PDGFD: variants seen among roughly 807,000 people sequenced by gnomAD.
PDGFD encodes platelet derived growth factor D.
PDGFD carries 30 observed loss-of-function variants against 44.7 expected under a neutral mutation model. The ratio of observed to expected loss-of-function variants is 0.67; its 90% CI spans 0.50 to 0.91. PDGFD has a LOEUF of 0.91. Among genes scored for constraint, PDGFD ranks in the 40% least tolerant of loss-of-function variants. The probability of loss-of-function intolerance (pLI) is 0.00; values close to 1 mark genes in which losing one functional copy is unlikely to be tolerated. For missense variants in PDGFD, 445 were observed against 457.8 expected, an observed-to-expected ratio of 0.97 and a Z score of 0.25; for synonymous variants, 173 against 168.4, an observed-to-expected ratio of 1.03 and a Z score of -0.21.
chr11:104,122,720 T>C (rs918494396), intron 1 of PDGFD, among the ~76,000 whole-genome samples: 6 of 73,326 alleles, frequency 8.2e-5, no homozygotes, highest in African/African-American at 3.8e-4. Flanking sequence ...ATACAAACAA[T>C]TTTTTTTTAA....
At chr11:104,045,471 T>C (rs1860425808) in intron 1 of PDGFD, among the ~76,000 whole-genome samples, 1 of 152,004 alleles carries the variant, frequency 6.6e-6, no homozygotes, top group African/African-American at 2.4e-5. Flanking sequence ...ATGGTACATG[T>C]TTATGCAACA....
intron 6 of PDGFD, among the ~76,000 whole-genome samples, chr11:103,916,589 T>A (rs1858129984): frequency 6.6e-6 from 1 of 152,206 alleles, no homozygotes. Context: ...CATTACTGAG[T>A]ATATACCCAA....
intron 1 of PDGFD, among the ~76,000 whole-genome samples, chr11:104,111,174 A>C (rs970930842): frequency 2.0e-5 from 3 of 151,606 alleles, no homozygotes. Context: ...CAATTCTTAA[A>C]ATTTCCATTC....
intron 1 of PDGFD, among the ~76,000 whole-genome samples, chr11:104,101,176 A>T (rs1367033237): frequency 6.6e-6 from 1 of 152,176 alleles, no homozygotes; most frequent in Non-Finnish European, 1.5e-5. Flanking sequence ...CTGTTTGCAG[A>T]TGACATGATT....
chr11:104,044,809 T>C (rs1860413839), intron 1 of PDGFD, among the ~76,000 whole-genome samples: 1 of 152,048 alleles, frequency 6.6e-6, no homozygotes, highest in African/African-American at 2.4e-5. Context: ...GAGGCCAAGG[T>C]GAACGGATCA....
At chr11:104,118,021 T>C (rs1371019287) in intron 1 of PDGFD, among the ~76,000 whole-genome samples, 3 of 152,018 alleles carry the variant, frequency 2.0e-5, no homozygotes, top group Non-Finnish European at 2.9e-5. Context: ...ATTAAGATTG[T>C]ATCCTACAAC....
intron 5 of PDGFD, 129 bp from the exon 6 acceptor site, chr11:103,927,255 A>C: frequency 1.3e-6 from 1 of 787,892 alleles, no homozygotes; most frequent in Non-Finnish European, 2.0e-6. Context: ...ATCCATCCTC[A>C]GGCTCTCAAT....
At chr11:104,038,105 A>C in intron 1 of PDGFD, 3 of 1,288,472 alleles carry the variant, frequency 2.3e-6, no homozygotes, top group South Asian at 3.1e-5. Flanking sequence ...TCATTAAAAA[A>C]CATCAGTAAC....
chr11:104,124,139 A>G (rs969484993), intron 1 of PDGFD, among the ~76,000 whole-genome samples: 1 of 152,086 alleles, frequency 6.6e-6, no homozygotes, highest in Non-Finnish European at 1.5e-5. Flanking sequence ...AAGGATGAGT[A>G]CAAATGAGAT....
At chr11:103,966,728 A>T (rs1301381288) in intron 3 of PDGFD, among the ~76,000 whole-genome samples, 2 of 152,316 alleles carry the variant, frequency 1.3e-5, no homozygotes, top group African/African-American at 4.8e-5. Context: ...AAAATCTATT[A>T]AGTAGATTAA....
intron 1 of PDGFD, among the ~76,000 whole-genome samples, chr11:104,076,916 T>C (rs1198504407): frequency 6.6e-6 from 1 of 152,210 alleles, no homozygotes; most frequent in Admixed American, 6.5e-5. Flanking sequence ...CTCTTCATTA[T>C]GGAATTCTTA....
chr11:104,037,649 G>T, intron 1 of PDGFD: 1 of 1,614,196 alleles, frequency 6.2e-7, no homozygotes, highest in Non-Finnish European at 8.5e-7. Context: ...GCCGAGCGAT[G>T]TAACATCATG....
intron 1 of PDGFD, among the ~76,000 whole-genome samples, chr11:104,129,859 A>T (rs894437532): frequency 2.6e-5 from 4 of 152,074 alleles, no homozygotes; most frequent in Non-Finnish European, 5.9e-5. Context: ...ATACAAAAAA[A>T]TTAGCCAGGC....
intron 1 of PDGFD, among the ~76,000 whole-genome samples, chr11:104,017,913 A>G (rs892324246): frequency 2.0e-5 from 3 of 152,198 alleles, no homozygotes; most frequent in African/African-American, 4.8e-5. Context: ...ACTGCCATTT[A>G]TATCTCCAGA....
chr11:104,153,606 T>C (rs886401460), intron 1 of PDGFD, among the ~76,000 whole-genome samples: 7 of 152,128 alleles, frequency 4.6e-5, no homozygotes, highest in African/African-American at 1.7e-4. Context: ...ACAATTGTGA[T>C]GTGTCTGGAA....
At chr11:104,105,612 C>T (rs1026694351) in intron 1 of PDGFD, among the ~76,000 whole-genome samples, 40 of 151,534 alleles carry the variant, frequency 2.6e-4, no homozygotes, top group African/African-American at 8.7e-4. Flanking sequence ...TTCAGCTTTA[C>T]GTGACATTTT....
chr11:104,061,898 A>G (rs112306583), intron 1 of PDGFD, among the ~76,000 whole-genome samples: 11 of 152,236 alleles, frequency 7.2e-5, no homozygotes, highest in African/African-American at 2.6e-4. Flanking sequence ...TTGAGCCACC[A>G]TGCCTGGCCG....
chr11:104,068,125 C>T (rs1284003978), intron 1 of PDGFD, among the ~76,000 whole-genome samples: 1 of 152,062 alleles, frequency 6.6e-6, no homozygotes, highest in Non-Finnish European at 1.5e-5. Context: ...CCTTTCTATT[C>T]AGTAATAATA....
Position 103,977,316 on chromosome 11 carries a change from G to C in PDGFD, c.510+18749C>G, listed in dbSNP as rs140056264. The stretch of plus-strand genomic sequence containing the variant: ...GAAACTATCCCAAACAATTGAAAAA[G>C]AGGGACTCCTCCCTAACTCATTTTA... On this transcript the variant is annotated intron_variant, in intron 3 of 6. Transcript: ENST00000393158. 3.9e-3 allele frequency among the ~76,000 whole-genome samples: 596 copies of C among 152,208 alleles called. 6 individuals carry two copies. Among genetic ancestry groups the C allele is most frequent in the African/African-American group, 0.013 (552 of 41,530 alleles).
Sources: gnomAD v4.1 joint callset for allele counts (sites outside exome capture counted in the v4.1 genomes callset) on GRCh38, gnomAD v4.1.1 for gene constraint, MANE v1.5 for transcripts, NCBI Gene and HGNC (gene_info 2026-07-23, HGNC 2026-07-21) for gene names.